NEK7: variants seen among roughly 807,000 people sequenced by gnomAD.
NEK7 encodes NIMA related kinase 7, also known as serine/threonine-protein kinase Nek7.
A neutral mutation model predicts 44.6 loss-of-function variants in NEK7; 18 were observed. The ratio of observed to expected loss-of-function variants is 0.40; its 90% CI spans 0.28 to 0.60. The LOEUF (loss-of-function observed/expected upper bound fraction) is 0.60. Among genes scored for constraint, NEK7 ranks in the 20% least tolerant of loss-of-function variants. The pLI is 0.38. For missense variants in NEK7, 256 were observed against 366.5 expected (o/e 0.70, Z 2.46); for synonymous variants, 130 against 121.1 (o/e 1.07, Z -0.48).
Position 198,186,832 on chromosome 1 carries a change from C to G in NEK7, c.-29+29556C>G, listed in dbSNP as rs185503419. Among the ~76,000 whole-genome samples, 15 of 152,236 alleles carry G rather than the reference C, an allele frequency of 9.9e-5. No individual in the cohort carries two copies. The East Asian group carries it at 2.9e-3, about 29-fold the overall frequency. On this transcript the variant is annotated intron_variant, in intron 1 of 9. Transcript: ENST00000367385. ...CAACCATGTACCCTAGGATTCTGGA[C>G]TCAACAAATTAAGTAAAGTCCCAGA...
chr1:198,261,983 CA>C (rs772475398), intron 3 of NEK7, among the ~76,000 whole-genome samples: 1 of 151,770 alleles, frequency 6.6e-6, no homozygotes, highest in Non-Finnish European at 1.5e-5. Flanking sequence ...CCCTTCTCCA[CA>C]AAGAACCAAT....
rs1343827568 is a variant in NEK7, at chr1:198,212,811, C to T, written c.-28-19742C>T. On this transcript the variant is annotated intron_variant, in intron 1 of 9. Coordinates refer to ENST00000367385, the MANE Select transcript of NEK7 (RefSeq NM_133494.3). Reference sequence around the variant, plus strand: ...GTGCCACCTCCCGGCTGGAGGCCAACCAGCACAGTCCATTTCAACATCTGC... The same window carrying T: ...GTGCCACCTCCCGGCTGGAGGCCAATCAGCACAGTCCATTTCAACATCTGC... Among the ~76,000 whole-genome samples the T allele has an allele frequency of 2.0e-5, 3 of 152,242 alleles. No individual in the cohort carries two copies. In the East Asian group the frequency reaches 5.8e-4, roughly 29 times the overall value.
At chr1:198,253,305 C>T (rs1052926418) in intron 3 of NEK7, 125 bp downstream of exon 3, 3 of 599,132 alleles carry the variant, frequency 5.0e-6, no homozygotes, top group East Asian at 3.1e-5. Context: ...AAAGATTGAA[C>T]GTTGTATTTT....
At chr1:198,276,886 G>C (rs1654033502) in intron 5 of NEK7, among the ~76,000 whole-genome samples, 1 of 151,588 alleles carries the variant, frequency 6.6e-6, no homozygotes, top group Non-Finnish European at 1.5e-5. Context: ...CTGGTCACAG[G>C]TGTAAAAACT....
At chr1:198,218,071 A>T (rs1028963972) in intron 1 of NEK7, among the ~76,000 whole-genome samples, 1 of 152,130 alleles carries the variant, frequency 6.6e-6, no homozygotes, top group South Asian at 2.1e-4. Context: ...AGGAAAAACA[A>T]TCCTCAAATT....
At chr1:198,195,507 T>C (rs1227224723) in intron 1 of NEK7, among the ~76,000 whole-genome samples, 3 of 152,208 alleles carry the variant, frequency 2.0e-5, no homozygotes, top group Non-Finnish European at 4.4e-5. Flanking sequence ...AAATCAAATT[T>C]TAACTTGTCT....
At chr1:198,160,763 A>G (rs1481896705) in intron 1 of NEK7, among the ~76,000 whole-genome samples, 12 of 152,196 alleles carry the variant, frequency 7.9e-5, no homozygotes, top group African/African-American at 2.4e-4. Context: ...ATGCATTTGT[A>G]TAATATAATG....
At chr1:198,257,407 A>G (rs10922390) in intron 3 of NEK7, among the ~76,000 whole-genome samples, 19,878 of 152,186 alleles carry the variant, frequency 0.13, 1,974 homozygotes, top group East Asian at 0.57. Context: ...GCATGTTTGC[A>G]TATAATTAGA....
At chr1:198,180,675 G>A (rs1253532249) in intron 1 of NEK7, among the ~76,000 whole-genome samples, 3 of 152,040 alleles carry the variant, frequency 2.0e-5, no homozygotes, top group Non-Finnish European at 4.4e-5. Flanking sequence ...GTCCAATGAT[G>A]TGTTGCTTTT....
rs201934729 is a variant in NEK7 at position 198,251,673 on chromosome 1, G to A, written c.58-1367G>A. Among the ~76,000 whole-genome samples, 61 of 151,882 alleles carry A rather than the reference G, an allele frequency of 4.0e-4. 1 individual carries two copies. In the East Asian group the frequency reaches 0.011, roughly 29 times the overall value. On this transcript the variant is annotated intron_variant, in intron 2 of 9. Transcript: ENST00000367385. ...CTAGTTTATTTGCGTAGAGGTGTTT[G>A]TAGTATTCTCTGATGGTAGTTTGTA... is the stretch of plus-strand genomic sequence containing the variant.
intron 1 of NEK7, among the ~76,000 whole-genome samples, chr1:198,228,426 G>C (rs1307745270): frequency 6.6e-6 from 1 of 152,032 alleles, no homozygotes; most frequent in Non-Finnish European, 1.5e-5. Flanking sequence ...TAGCTTGATG[G>C]GGATGGCATT....
chr1:198,267,992 T>C (rs1293865646), intron 5 of NEK7, among the ~76,000 whole-genome samples: 1 of 152,020 alleles, frequency 6.6e-6, no homozygotes, highest in East Asian at 1.9e-4. Context: ...GCTCTGCTTT[T>C]CATTCTCTTC....
intron 1 of NEK7, chr1:198,198,045 A>G (rs1038149394): frequency 6.0e-6 from 9 of 1,500,014 alleles, no homozygotes; most frequent in Non-Finnish European, 8.0e-6. Context: ...GGAAAGCTGG[A>G]TTGCCCTGGG....
At chr1:198,314,062 A>C (rs987325390) in intron 9 of NEK7, among the ~76,000 whole-genome samples, 1 of 152,052 alleles carries the variant, frequency 6.6e-6, no homozygotes, top group Non-Finnish European at 1.5e-5. Flanking sequence ...CGTCACTTTC[A>C]GGTACACCAA....
chr1:198,258,364 G>T (rs1279610119), intron 3 of NEK7, among the ~76,000 whole-genome samples: 1 of 152,126 alleles, frequency 6.6e-6, no homozygotes, highest in Admixed American at 6.6e-5. Flanking sequence ...GCTTGAACCC[G>T]GGAGGTGGAG....
chr1:198,197,885 T>TGCATCGGA lies in NEK7; in HGVS notation c.-28-34668_-28-34667insGCATCGGA. The TGCATCGGA allele has an allele frequency of 3.7e-6, 4 of 1,078,788 alleles. No homozygotes were observed. In the Admixed American group the frequency reaches 7.0e-5, roughly 19 times the overall value. The allele number at this position is 1,078,788 out of a possible 1,614,324, so 66.8% of individuals were successfully genotyped here. ...CATTTTCATCTGCATCTTCTTGTCC[T>TGCATCGGA]CTATCACTCCTAGTCCGAACATGCC... On this transcript the variant is annotated intron_variant, in intron 1 of 9. Coordinates refer to ENST00000367385, the MANE Select transcript of NEK7 (RefSeq NM_133494.3).
At chr1:198,309,391 G>A (rs961547213) in intron 9 of NEK7, among the ~76,000 whole-genome samples, 6 of 152,096 alleles carry the variant, frequency 3.9e-5, no homozygotes, top group African/African-American at 1.4e-4. Context: ...GGAAGCAGGA[G>A]ACTGATGTCA....
chr1:198,313,224 G>T (rs1165062894), intron 9 of NEK7, among the ~76,000 whole-genome samples: 4 of 152,020 alleles, frequency 2.6e-5, no homozygotes, highest in Non-Finnish European at 2.9e-5. Context: ...GATCTTTGTT[G>T]GTTTAAAGTC....
At chr1:198,309,917 T>A (rs900298938) in intron 9 of NEK7, among the ~76,000 whole-genome samples, 2 of 152,180 alleles carry the variant, frequency 1.3e-5, no homozygotes, top group Non-Finnish European at 2.9e-5. Context: ...TGTGCATGTG[T>A]CTTTCTAGCA....
Sources: gnomAD v4.1 joint callset for allele counts (sites outside exome capture counted in the v4.1 genomes callset) on GRCh38, gnomAD v4.1.1 for gene constraint, MANE v1.5 for transcripts, NCBI Gene and HGNC (gene_info 2026-07-23, HGNC 2026-07-21) for gene names.